Variants in RILPL1 observed in about 807,000 individuals in gnomAD.
RILPL1 encodes RILP-like protein 1.
Under a neutral mutation model 50.3 loss-of-function variants are expected in RILPL1, and 33 were observed. That is an observed-to-expected ratio of 0.66 (90% CI 0.50 to 0.88). The LOEUF (loss-of-function observed/expected upper bound fraction) is 0.88. Among genes scored for constraint, RILPL1 ranks in the 40% least tolerant of loss-of-function variants. RILPL1 has a pLI of 0.00. For missense variants in RILPL1, 418 were observed against 542.5 expected (o/e 0.77, Z 2.28); for synonymous variants, 205 against 228.6 (o/e 0.90, Z 0.93).
intron 2 of RILPL1, among the ~76,000 whole-genome samples, chr12:123,507,107 T>C (rs989380245): frequency 1.3e-5 from 2 of 152,352 alleles, no homozygotes; most frequent in African/African-American, 4.8e-5. Flanking sequence ...GCCTTGTTGC[T>C]GGAAGTGCTA....
Position 123,485,365 on chromosome 12 carries a change from T to G in RILPL1, c.974+268A>C. On this transcript the variant is annotated intron_variant, in intron 5 of 6. Coordinates refer to ENST00000376874, the MANE Select transcript of RILPL1 (RefSeq NM_178314.5). The surrounding 1 kb of genome is among the most constrained non-coding windows in gnomAD (Gnocchi z 4.0). ...GGTCTCGCTTTGTTGCCCAGGCTAG[T>G]CTCGAATGCCTGGGATCAAGCAATC... 1 of 535,080 alleles carries G rather than the reference T, an allele frequency of 1.9e-6. No individual in the cohort carries two copies. Among genetic ancestry groups the G allele is most frequent in the South Asian group, 1.9e-5 (1 of 52,608 alleles). 33.1% of individuals were successfully genotyped at this position (535,080 alleles called of 1,614,324 possible).
rs542194834 is a variant in RILPL1 at position 123,526,792 on chromosome 12, G to A, written c.310-3147C>T. Among the ~76,000 whole-genome samples the A allele has an allele frequency of 2.8e-3, 425 of 152,298 alleles. 1 individual carries two copies. The highest frequency in any genetic ancestry group is 9.4e-3 in the African/African-American group (392 of 41,566). ...GGGCCGGGGTGGAAGTGGTGGTGGAGGGATGGAGAGGGAATGTTGACCTCC... is the reference window on the plus strand; with the variant it reads ...GGGCCGGGGTGGAAGTGGTGGTGGAAGGATGGAGAGGGAATGTTGACCTCC... On this transcript the variant is annotated intron_variant, in intron 1 of 6. Coordinates refer to ENST00000376874, the MANE Select transcript of RILPL1 (RefSeq NM_178314.5).
chr12:123,532,856 C>A (rs180843715), intron 1 of RILPL1, among the ~76,000 whole-genome samples: 1 of 152,048 alleles, frequency 6.6e-6, no homozygotes, highest in Admixed American at 6.6e-5. Flanking sequence ...AAGGTGGGTC[C>A]TATTATGATT....
chr12:123,505,064 G>A (rs542973170), intron 2 of RILPL1, among the ~76,000 whole-genome samples: 29 of 151,702 alleles, frequency 1.9e-4, no homozygotes, highest in African/African-American at 6.0e-4. Context: ...TTTTTGAGAC[G>A]GAGTCTCACT....
chr12:123,516,070 A>T (rs1884679197), intron 2 of RILPL1, among the ~76,000 whole-genome samples: 1 of 144,754 alleles, frequency 6.9e-6, no homozygotes, highest in African/African-American at 2.7e-5. Context: ...ATGCCCCGAG[A>T]TGATTGAGCA....
chr12:123,510,365 GGTGTGT>G (rs563988101), intron 2 of RILPL1, among the ~76,000 whole-genome samples: 4 of 150,924 alleles, frequency 2.7e-5, no homozygotes, highest in East Asian at 1.9e-4. Context: ...TGGGGGGTGT[GGTGTGT>G]GTGTGTGTGT....
chr12:123,523,445 TAAGAA>T, intron 2 of RILPL1, 45 bp downstream of exon 2: 2 of 1,610,346 alleles, frequency 1.2e-6, no homozygotes, highest in Non-Finnish European at 1.7e-6. Flanking sequence ...ATGTGGGCAA[TAAGAA>T]AAGGAATGGC....
In RILPL1 at chr12:123,485,820, G is replaced by A. The variant is rs1220083754; in HGVS notation, c.802-15C>T. The stretch of plus-strand genomic sequence containing the variant: ...ACCGGCTCCGTCTGGAGGAGGCAGA[G>A]ATGCTGCTAATGAATTCTTGGCAGC... On this transcript the variant is annotated splice_polypyrimidine_tract_variant and intron_variant, in intron 4 of 6. Transcript: ENST00000376874. This position sits in a 1 kb window ranked among gnomAD's most constrained non-coding sequence, Gnocchi z 4.0. 6.3e-7 allele frequency: 1 copy of A among 1,590,788 alleles called. No individual in the cohort carries two copies. Among genetic ancestry groups the A allele is most frequent in the Non-Finnish European group, 8.5e-7 (1 of 1,169,848 alleles).
At position 123,524,353 on chromosome 12, in the gene RILPL1, C is replaced by A. The variant is rs190013793; in HGVS notation, c.310-708G>T. 8.9e-4 allele frequency among the ~76,000 whole-genome samples: 135 copies of A among 152,280 alleles called. 1 individual carries two copies. The highest frequency in any genetic ancestry group is 3.2e-3 in the African/African-American group (133 of 41,558). On this transcript the variant is annotated intron_variant, in intron 1 of 6. Transcript: ENST00000376874. Reference sequence around the variant, plus strand: ...CTGCTGGTGGGAATGGAAAATGCTGCGGACATTTTGGAAAACACTCTGGCA... The same window carrying A: ...CTGCTGGTGGGAATGGAAAATGCTGAGGACATTTTGGAAAACACTCTGGCA...
At position 123,485,914 on chromosome 12, in the gene RILPL1, G is replaced by A. The variant is rs753042931; in HGVS notation, c.802-109C>T. On this transcript the variant is annotated intron_variant, in intron 4 of 6. Coordinates refer to ENST00000376874, the MANE Select transcript of RILPL1 (RefSeq NM_178314.5). The surrounding 1 kb of genome is among the most constrained non-coding windows in gnomAD (Gnocchi z 4.0). ...CCCCCTCCCGGGGTGCCAGCAGCCT[G>A]TGGAGGGTGCTATTTTCAGCACTCG... 47 of 1,147,552 alleles carry A rather than the reference G, an allele frequency of 4.1e-5. No homozygotes were observed. Among genetic ancestry groups the A allele is most frequent in the Non-Finnish European group, 5.6e-5 (47 of 841,052 alleles). The allele number at this position is 1,147,552 out of a possible 1,614,324, so 71.1% of individuals were successfully genotyped here.
chr12:123,516,417 C>T (rs1239078036), intron 2 of RILPL1, among the ~76,000 whole-genome samples: 2 of 152,232 alleles, frequency 1.3e-5, no homozygotes, highest in Non-Finnish European at 1.5e-5. Flanking sequence ...GCCACCCTGC[C>T]GGACTCTGCT....
Position 123,533,112 on chromosome 12 carries a change from G to A in RILPL1, c.309+62C>T. On this transcript the variant is annotated intron_variant, in intron 1 of 6. Transcript: ENST00000376874. This position sits in a 1 kb window ranked among gnomAD's most constrained non-coding sequence, Gnocchi z 6.2. The stretch of plus-strand genomic sequence containing the variant: ...TGCGCACCCACAGCTGCCCAATGCG[G>A]AAGAGCCCTTGGGTCCCCGCGGTCC... The A allele has an allele frequency of 1.4e-6, 2 of 1,444,760 alleles. No homozygotes were observed. Among genetic ancestry groups the A allele is most frequent in the Admixed American group, 2.2e-5 (1 of 46,294 alleles). The allele number at this position is 1,444,760 out of a possible 1,614,324, so 89.5% of individuals were successfully genotyped here. A position where few individuals can be genotyped will look rare whatever the true frequency, so the allele number is the denominator to read the frequency against.
intron 3 of RILPL1, among the ~76,000 whole-genome samples, chr12:123,499,101 G>A (rs1883205648): frequency 6.6e-6 from 1 of 152,212 alleles, no homozygotes; most frequent in Non-Finnish European, 1.5e-5. Flanking sequence ...ACCCTGCTAA[G>A]TCTGCTCACA....
intron 2 of RILPL1, among the ~76,000 whole-genome samples, chr12:123,512,330 CTGTG>C (rs1884363651): frequency 3.4e-5 from 3 of 87,040 alleles, no homozygotes; most frequent in Non-Finnish European, 6.5e-5. Flanking sequence ...TGTGAGGTCT[CTGTG>C]TGGTGTGTGA....
Position 123,485,239 on chromosome 12 carries a change from C to G in RILPL1, c.974+394G>C. 1 of 460,550 alleles carries G rather than the reference C, an allele frequency of 2.2e-6. No homozygotes were observed. Among genetic ancestry groups the G allele is most frequent in the South Asian group, 1.5e-5 (1 of 64,622 alleles). 28.5% of individuals were successfully genotyped at this position (460,550 alleles called of 1,614,324 possible). A position where few individuals can be genotyped will look rare whatever the true frequency, so the allele number is the denominator to read the frequency against. ...ATGTGGAAACCTACAATAAAGCAAG[C>G]ATGAGAGTGAACAGGATAATGTAGG... On this transcript the variant is annotated intron_variant, in intron 5 of 6. Transcript: ENST00000376874. The surrounding 1 kb of genome is among the most constrained non-coding windows in gnomAD (Gnocchi z 4.0).
chr12:123,484,168 C>T lies in RILPL1; in HGVS notation c.1067+12G>A, dbSNP rs188505921. On this transcript the variant is annotated intron_variant, in intron 6 of 6. Transcript: ENST00000376874. ...GTCAGCCGAGCGCAGAAGCTGGCAG[C>T]GCATCACTTACAGTCGCTTGATGCC... is the stretch of plus-strand genomic sequence containing the variant. The T allele has an allele frequency of 9.9e-5, 156 of 1,582,160 alleles. No homozygotes were observed. In the East Asian group the frequency reaches 2.5e-3, roughly 25 times the overall value.
intron 6 of RILPL1, chr12:123,473,843 G>C (rs199544916): frequency 2.0e-5 from 3 of 146,734 alleles, no homozygotes; most frequent in Non-Finnish European, 3.0e-5. Flanking sequence ...AAAAACAAAA[G>C]AAAAAAAAAA....
At chr12:123,493,782 CT>C (rs887720003) in intron 4 of RILPL1, among the ~76,000 whole-genome samples, 2 of 141,536 alleles carry the variant, frequency 1.4e-5, no homozygotes, top group Non-Finnish European at 3.1e-5. Context: ...GAGGCCCTGC[CT>C]CTTTTTTTTT....
chr12:123,485,545 TC>T lies in RILPL1; in HGVS notation c.974+87del, dbSNP rs1882269141. ...AAAAACACTGATGAAATGCTTGTCT[TC>T]CAGGGGGTAAGAAGGTAACTGTACA... On this transcript the variant is annotated intron_variant, in intron 5 of 6. Coordinates refer to ENST00000376874, the MANE Select transcript of RILPL1 (RefSeq NM_178314.5). This position sits in a 1 kb window ranked among gnomAD's most constrained non-coding sequence, Gnocchi z 4.0. 1.6e-6 allele frequency: 2 copies of T among 1,265,390 alleles called. No individual in the cohort carries two copies. The highest frequency in any genetic ancestry group is 2.2e-6 in the Non-Finnish European group (2 of 902,758). The allele number at this position is 1,265,390 out of a possible 1,614,324, so 78.4% of individuals were successfully genotyped here.
Sources: gnomAD v4.1 joint callset for allele counts (sites outside exome capture counted in the v4.1 genomes callset) on GRCh38, gnomAD v4.1.1 for gene constraint, Gnocchi (gnomAD v3.1) non-coding constraint, MANE v1.5 for transcripts, NCBI Gene and HGNC (gene_info 2026-07-23, HGNC 2026-07-21) for gene names.